Variants in CSMD1 observed in about 807,000 individuals in gnomAD.
CSMD1 encodes the protein CUB and Sushi multiple domains 1.
A neutral mutation model predicts 417.5 loss-of-function variants in CSMD1; 213 were observed. The observed-to-expected ratio is 0.51, with a 90% CI of 0.46 to 0.57. The LOEUF (loss-of-function observed/expected upper bound fraction) is 0.57. Among genes scored for constraint, CSMD1 ranks in the 20% least tolerant of loss-of-function variants. The pLI, the probability that CSMD1 is intolerant of heterozygous loss-of-function variation, is 0.00. For missense variants in CSMD1, 6,923 were observed against 4,529.7 expected (o/e 1.53, Z -15.17); for synonymous variants, 2,862 against 1,736.8 (o/e 1.65, Z -16.11).
intron 3 of CSMD1, among the ~76,000 whole-genome samples, chr8:4,277,771 G>A (rs560796829): frequency 6.6e-5 from 10 of 152,068 alleles, no homozygotes; most frequent in South Asian, 2.1e-4. Context: ...TTTCTGAGAC[G>A]GAGTCTCACT....
chr8:3,216,547 T>C (rs1008054620), intron 29 of CSMD1, among the ~76,000 whole-genome samples: 4 of 152,256 alleles, frequency 2.6e-5, no homozygotes, highest in African/African-American at 9.6e-5. Context: ...TTCTTCTTTA[T>C]GCCACTAATT....
intron 3 of CSMD1, among the ~76,000 whole-genome samples, chr8:4,386,474 C>T (rs143624658): frequency 1.4e-3 from 213 of 152,362 alleles, no homozygotes; most frequent in South Asian, 8.5e-3. Flanking sequence ...ATCAAAACCA[C>T]CTTATCTCCC....
At chr8:3,438,907 G>T (rs1271410849) in intron 12 of CSMD1, among the ~76,000 whole-genome samples, 1 of 151,552 alleles carries the variant, frequency 6.6e-6, no homozygotes, top group Admixed American at 6.6e-5. Flanking sequence ...CCTGAGGTTA[G>T]GAGTTCAAGA....
intron 3 of CSMD1, among the ~76,000 whole-genome samples, chr8:4,280,075 T>C (rs576883325): frequency 1.3e-5 from 2 of 152,234 alleles, no homozygotes; most frequent in African/African-American, 2.4e-5. Context: ...AACTAACGCG[T>C]TGAAAATAAA....
chr8:4,791,877 C>T (rs1797709940), intron 1 of CSMD1, among the ~76,000 whole-genome samples: 1 of 151,772 alleles, frequency 6.6e-6, no homozygotes. Flanking sequence ...TTTTAGCTTG[C>T]ATTCAGCAAC....
chr8:4,980,594 G>A (rs752525174), intron 1 of CSMD1, among the ~76,000 whole-genome samples: 3 of 152,160 alleles, frequency 2.0e-5, no homozygotes, highest in Admixed American at 6.5e-5. Flanking sequence ...GAACTGGAAG[G>A]TCACTTTGAA....
intron 23 of CSMD1, among the ~76,000 whole-genome samples, chr8:3,313,179 T>G (rs1302146009): frequency 1.3e-5 from 2 of 152,272 alleles, no homozygotes; most frequent in Admixed American, 1.3e-4. Context: ...GAAGAAAACC[T>G]AGGCAATACC....
At chr8:3,307,094 T>C (rs1236530185) in intron 25 of CSMD1, among the ~76,000 whole-genome samples, 1 of 152,202 alleles carries the variant, frequency 6.6e-6, no homozygotes, top group Non-Finnish European at 1.5e-5. Flanking sequence ...AATATGACTT[T>C]GCTTCTCTTC....
At chr8:4,067,713 T>C (rs1418027073) in intron 3 of CSMD1, among the ~76,000 whole-genome samples, 2 of 152,190 alleles carry the variant, frequency 1.3e-5, no homozygotes, top group Admixed American at 6.5e-5. Context: ...CCATGTTAGA[T>C]AGTGTAATTT....
rs934941165 is a variant in CSMD1 at position 4,192,595 on chromosome 8, C to A, written c.416-160496G>T. Among the ~76,000 whole-genome samples, 6 of 152,146 alleles carry A rather than the reference C, an allele frequency of 3.9e-5. 1 individual carries two copies. Among genetic ancestry groups the A allele is most frequent in the Admixed American group, 3.9e-4 (6 of 15,266 alleles). On this transcript the variant is annotated intron_variant, in intron 3 of 69. Coordinates refer to ENST00000635120, the MANE Select transcript of CSMD1 (RefSeq NM_033225.6). ...GTATTTTACTCTTCATCAGCTTTGCCCTATAATGAGAACAGGTTGGGCCAC... is the reference window on the plus strand; with the variant it reads ...GTATTTTACTCTTCATCAGCTTTGCACTATAATGAGAACAGGTTGGGCCAC...
At chr8:3,608,755 C>A (rs1401053445) in intron 8 of CSMD1, among the ~76,000 whole-genome samples, 1 of 104,350 alleles carries the variant, frequency 9.6e-6, no homozygotes, top group Admixed American at 1.0e-4. Flanking sequence ...CAGAGTGAGA[C>A]TCTGTCTCAA....
chr8:4,800,322 T>A (rs1336818513), intron 1 of CSMD1, among the ~76,000 whole-genome samples: 3 of 151,448 alleles, frequency 2.0e-5, no homozygotes, highest in Non-Finnish European at 4.4e-5. Flanking sequence ...TCCCACCTAC[T>A]CGTGAGGCTG....
intron 1 of CSMD1, among the ~76,000 whole-genome samples, chr8:4,900,692 G>A (rs1328211851): frequency 3.3e-5 from 5 of 152,152 alleles, no homozygotes; most frequent in Non-Finnish European, 7.3e-5. Flanking sequence ...AAATGTTGCT[G>A]GGGGCTTAGA....
chr8:3,164,135 T>A (rs1043505592), intron 37 of CSMD1, among the ~76,000 whole-genome samples: 1 of 152,158 alleles, frequency 6.6e-6, no homozygotes, highest in Non-Finnish European at 1.5e-5. Flanking sequence ...AGTGTCTTCA[T>A]CTTACAGTAC....
chr8:3,616,652 G>T, intron 8 of CSMD1, 58 bp downstream of exon 8: 1 of 1,128,868 alleles, frequency 8.9e-7, no homozygotes, highest in South Asian at 1.3e-5. Context: ...ACTGCAAGCT[G>T]AAATAATATA....
chr8:3,487,747 T>C (rs1175240296), intron 11 of CSMD1, among the ~76,000 whole-genome samples: 3 of 152,192 alleles, frequency 2.0e-5, no homozygotes, highest in Non-Finnish European at 4.4e-5. Context: ...TGAATGTTTT[T>C]AAGAGTTCCT....
At position 4,344,314 on chromosome 8, in the gene CSMD1, C is replaced by T. The variant is rs532619328; in HGVS notation, c.415+75639G>A. Among the ~76,000 whole-genome samples the T allele has an allele frequency of 5.3e-5, 8 of 152,164 alleles. 1 individual carries two copies. The South Asian group carries it at 6.2e-4, about 12-fold the overall frequency. Reference sequence around the variant, plus strand: ...GTCTAGTTTAACAAAACATTTCAGACGTGGCCTTCAAATCAGCTTTACATC... The same window carrying T: ...GTCTAGTTTAACAAAACATTTCAGATGTGGCCTTCAAATCAGCTTTACATC... On this transcript the variant is annotated intron_variant, in intron 3 of 69. Coordinates refer to ENST00000635120, the MANE Select transcript of CSMD1 (RefSeq NM_033225.6).
intron 12 of CSMD1, among the ~76,000 whole-genome samples, chr8:3,429,434 T>C (rs1008667369): frequency 1.3e-5 from 2 of 152,096 alleles, no homozygotes; most frequent in Admixed American, 6.6e-5. Context: ...CCAAGGGAAA[T>C]GGAAGCCATG....
chr8:3,025,574 C>T (rs560071710), intron 51 of CSMD1, among the ~76,000 whole-genome samples: 3 of 152,312 alleles, frequency 2.0e-5, no homozygotes, highest in South Asian at 2.1e-4. Context: ...ATTCTTTTAG[C>T]GGTCAACAAG....
Sources: allele counts gnomAD v4.1 joint callset (sites outside exome capture counted in the v4.1 genomes callset), GRCh38; gene constraint gnomAD v4.1.1; transcripts MANE v1.5; gene names NCBI Gene and HGNC (gene_info 2026-07-23, HGNC 2026-07-21).